Variants in PCDHGA6 observed in about 807,000 individuals in gnomAD.
PCDHGA6 encodes the protein protocadherin gamma subfamily A, 6.
Under a neutral mutation model 60.6 loss-of-function variants are expected in PCDHGA6, and 41 were observed. The ratio of observed to expected loss-of-function variants is 0.68; its 90% CI spans 0.53 to 0.88. The LOEUF (loss-of-function observed/expected upper bound fraction) is 0.88. PCDHGA6 is among the 40% of genes least tolerant of loss of function. PCDHGA6 has a pLI of 0.00. For synonymous variants in PCDHGA6, 594 were observed against 524.4 expected (o/e 1.13, Z -1.81); for missense variants, 1,312 against 1,203.0 (o/e 1.09, Z -1.34).
At chr5:141,503,479 G>A (rs1203644194) in intron 2 of PCDHGA6, among the ~76,000 whole-genome samples, 5 of 151,616 alleles carry the variant, frequency 3.3e-5, no homozygotes, top group African/African-American at 9.7e-5. Context: ...TGCACTTGTC[G>A]TCCCAGCTGC....
rs548299275 is a variant in PCDHGA6, at chr5:141,384,200, G to A, written c.2424+7693G>A. On this transcript the variant is annotated intron_variant, in intron 1 of 3. Coordinates refer to ENST00000517434, the MANE Select transcript of PCDHGA6 (RefSeq NM_018919.3). ...GATGGTGGAACTCCTCCCTTGTCCAGGGAAACTCACATATTCATGCAGGTG... is the reference window on the plus strand; with the variant it reads ...GATGGTGGAACTCCTCCCTTGTCCAAGGAAACTCACATATTCATGCAGGTG... 131 of 1,613,832 alleles carry A rather than the reference G, an allele frequency of 8.1e-5. 2 individuals are homozygous for A. The South Asian group carries it at 1.4e-3, about 17-fold the overall frequency.
Position 141,477,143 on chromosome 5 carries a change from G to A in PCDHGA6, c.2425-17664G>A. Reference sequence around the variant, plus strand: ...ACATTGCAAAGTGTTGGTGGAGGTTGTGGATGTGAATGACAACGCCCCGGA... The same window carrying A: ...ACATTGCAAAGTGTTGGTGGAGGTTATGGATGTGAATGACAACGCCCCGGA... On this transcript the variant is annotated intron_variant, in intron 1 of 3. Transcript: ENST00000517434. This position sits in a 1 kb window ranked among gnomAD's most constrained non-coding sequence, Gnocchi z 4.9. 6.2e-7 allele frequency: 1 copy of A among 1,614,198 alleles called. No individual in the cohort carries two copies. Among genetic ancestry groups the A allele is most frequent in the Non-Finnish European group, 8.5e-7 (1 of 1,180,036 alleles).
At chr5:141,466,054 G>A (rs2099115921) in intron 1 of PCDHGA6, among the ~76,000 whole-genome samples, 1 of 152,080 alleles carries the variant, frequency 6.6e-6, no homozygotes, top group Non-Finnish European at 1.5e-5. Context: ...CCCAGGAGAC[G>A]GAGCTTGCAG....
intron 1 of PCDHGA6, chr5:141,395,206 A>T: frequency 1.9e-6 from 3 of 1,613,736 alleles, no homozygotes; most frequent in Non-Finnish European, 2.5e-6. Flanking sequence ...GTAGATTTTC[A>T]TGAATATAAG....
At chr5:141,492,237 C>G (rs2099738580) in intron 1 of PCDHGA6, among the ~76,000 whole-genome samples, 1 of 152,206 alleles carries the variant, frequency 6.6e-6, no homozygotes, top group Admixed American at 6.5e-5. Flanking sequence ...TCCCTGCTGG[C>G]CACCCCCACG....
In PCDHGA6 at chr5:141,511,233, T is replaced by C. The variant is rs776405064; in HGVS notation, c.*60T>C. 5.0e-6 allele frequency: 8 copies of C among 1,595,310 alleles called. No homozygotes were observed. Among genetic ancestry groups the C allele is most frequent in the Non-Finnish European group, 6.8e-6 (8 of 1,170,902 alleles). On this transcript the variant is annotated 3_prime_UTR_variant, in exon 4 of 4. Transcript: ENST00000517434. ...CTCCCCAACCAGCCCAGCTTCTCCT[T>C]ACCTGCACCCAGGCCTCAGAGTTTC...
chr5:141,384,804 A>C (rs1780531756), intron 1 of PCDHGA6: 1 of 1,613,332 alleles, frequency 6.2e-7, no homozygotes, highest in Non-Finnish European at 8.5e-7. Flanking sequence ...TGCTGGACAG[A>C]GATGCCCTCA....
chr5:141,405,568 T>C, intron 1 of PCDHGA6: 1 of 606,666 alleles, frequency 1.6e-6, no homozygotes, highest in South Asian at 2.1e-5. Context: ...GGGACTAGAG[T>C]AGAGTAGCTG....
Position 141,375,275 on chromosome 5 carries a change from GT to G in PCDHGA6, c.1194del (p.Gly399AlafsTer6). On this transcript the variant is annotated frameshift_variant, in exon 1 of 4. Coordinates refer to ENST00000517434, the MANE Select transcript of PCDHGA6 (RefSeq NM_018919.3). LOFTEE classifies it high-confidence loss of function. ...TCTCCCATTTGAATTGGAAAAATCA[GT>G]TGGCAATTATTATCGATTAGTGACA... Reference protein sequence around the residue: ...RSLPFELEKSVGNYYRLVTNA... With the variant: ...RSLPFELEKSXGNYYRLVTNA... 3 of 1,613,902 alleles carry G rather than the reference GT, an allele frequency of 1.9e-6. No individual in the cohort carries two copies. Among genetic ancestry groups the G allele is most frequent in the Non-Finnish European group, 1.7e-6 (2 of 1,179,902 alleles).
chr5:141,380,503 A>G (rs1353992586), intron 1 of PCDHGA6, among the ~76,000 whole-genome samples: 1 of 152,196 alleles, frequency 6.6e-6, no homozygotes, highest in African/African-American at 2.4e-5. Context: ...ACAATAATAT[A>G]CACTCTTTAA....
At chr5:141,397,912 A>G in intron 1 of PCDHGA6, 2 of 686,532 alleles carry the variant, frequency 2.9e-6, no homozygotes, top group Non-Finnish European at 4.8e-6. Flanking sequence ...TTGGCGCTCC[A>G]GATCTCCTCG....
Position 141,374,163 on chromosome 5 carries a change from C to T in PCDHGA6, c.80C>T (p.Ala27Val), listed in dbSNP as rs764323551. ...LTLLGTLWGA[A>V]AAQIRYSIPE... ...CTCCTGGGGACGCTGTGGGGGGCCG[C>T]GGCAGCGCAGATCCGCTACTCTATT... Residue 27 changes from alanine (A) to valine (V), a missense_variant, in exon 1 of 4, where the codon GCG becomes GTG. Physicochemically the swap from Ala to Val is moderately conservative, Grantham distance 64. Transcript: ENST00000517434. The T allele has an allele frequency of 1.9e-6, 3 of 1,612,724 alleles. No individual in the cohort carries two copies. The highest frequency in any genetic ancestry group is 1.7e-5 in the Admixed American group (1 of 59,942).
rs368553948 is a variant in PCDHGA6, at chr5:141,374,566, T to C, written c.483T>C (p.Asp161=). The change falls in exon 1 of 4, where the codon GAT becomes GAC. Residue 161 remains aspartate (D), a synonymous_variant. Coordinates refer to ENST00000517434, the MANE Select transcript of PCDHGA6 (RefSeq NM_018919.3). ...CACTAATGGAGGTCTATGACCCTGA[T>C]GTGGGAATGAACTCCCTTCAGGGAT... ...RFPLMEVYDP[D]VGMNSLQGFK... 21 of 1,613,582 alleles carry C rather than the reference T, an allele frequency of 1.3e-5. No individual in the cohort carries two copies. The highest frequency in any genetic ancestry group is 3.3e-5 in the South Asian group (3 of 91,088).
intron 1 of PCDHGA6, chr5:141,415,577 C>G (rs776744277): frequency 2.5e-6 from 4 of 1,613,744 alleles, no homozygotes; most frequent in South Asian, 2.2e-5. Flanking sequence ...TTAGATGATT[C>G]GAAGTTTCCT....
In PCDHGA6 at chr5:141,381,826, C is replaced by CTTTTTTTT. The variant is rs770630741; in HGVS notation, c.2424+5334_2424+5341dup. Among the ~76,000 whole-genome samples, 48 of 74,286 alleles carry CTTTTTTTT rather than the reference C, an allele frequency of 6.5e-4. 1 individual carries two copies. Among genetic ancestry groups the CTTTTTTTT allele is most frequent in the African/African-American group, 1.0e-3 (17 of 16,198 alleles). 48.7% of individuals were successfully genotyped at this position (74,286 alleles called of 152,430 possible). On this transcript the variant is annotated intron_variant, in intron 1 of 3. Coordinates refer to ENST00000517434, the MANE Select transcript of PCDHGA6 (RefSeq NM_018919.3). Reference sequence around the variant, plus strand: ...TTTCTTTCTTTCTTTCTTTCTTCTTCTTTTTTTTTTTTTTTTTTTTTTGGC... The same window carrying CTTTTTTTT: ...TTTCTTTCTTTCTTTCTTTCTTCTTCTTTTTTTTTTTTTTTTTTTTTTTTTTTTTTGGC...
chr5:141,408,256 T>C, intron 1 of PCDHGA6: 1 of 1,602,226 alleles, frequency 6.2e-7, no homozygotes, highest in East Asian at 2.3e-5. Flanking sequence ...AGGTGCTATT[T>C]CCTTTGCTGC....
At chr5:141,385,542 A>G in intron 1 of PCDHGA6, 1 of 1,327,542 alleles carries the variant, frequency 7.5e-7, no homozygotes. Context: ...GAATATGTGG[A>G]CTATCACATT....
At chr5:141,384,991 G>A in intron 1 of PCDHGA6, 2 of 1,614,124 alleles carry the variant, frequency 1.2e-6, no homozygotes, top group Non-Finnish European at 1.7e-6. Context: ...GGTGGCGGTG[G>A]CCACAGTCTC....
intron 2 of PCDHGA6, among the ~76,000 whole-genome samples, chr5:141,497,016 C>G (rs1384415729): frequency 6.6e-6 from 1 of 152,056 alleles, no homozygotes; most frequent in East Asian, 1.9e-4. Context: ...TGGTGAAACC[C>G]CATCTCGATT....
Sources: gnomAD v4.1 joint callset for allele counts (sites outside exome capture counted in the v4.1 genomes callset) on GRCh38, gnomAD v4.1.1 for gene constraint, Gnocchi (gnomAD v3.1) non-coding constraint, MANE v1.5 for transcripts, NCBI Gene and HGNC (gene_info 2026-07-23, HGNC 2026-07-21) for gene names.